The following DLGAP1 variants were observed in gnomAD, a reference collection of about 807,000 sequenced individuals.
DLGAP1 encodes the protein DLG associated protein 1.
DLGAP1 carries 11 observed loss-of-function variants against 90.8 expected under a neutral mutation model. The observed-to-expected ratio is 0.12, with a 90% CI of 0.08 to 0.20. DLGAP1 has a LOEUF of 0.20. Ranked by LOEUF, DLGAP1 falls within the 10% of genes least tolerant of loss-of-function variation. The probability of loss-of-function intolerance (pLI) is 1.00; values close to 1 mark genes in which losing one functional copy is unlikely to be tolerated. For synonymous variants in DLGAP1, 558 were observed against 540.7 expected (o/e 1.03, Z -0.44); for missense variants, 1,050 against 1,333.8 (o/e 0.79, Z 3.31).
At chr18:3,563,109 G>T (rs1028026947) in intron 9 of DLGAP1, among the ~76,000 whole-genome samples, 9 of 152,108 alleles carry the variant, frequency 5.9e-5, no homozygotes, top group African/African-American at 2.2e-4. Context: ...TTACAGATGT[G>T]AGCCACTGAA....
chr18:4,267,056 C>A (rs1213384294), intron 1 of DLGAP1, among the ~76,000 whole-genome samples: 1 of 152,152 alleles, frequency 6.6e-6, no homozygotes, highest in Non-Finnish European at 1.5e-5. Flanking sequence ...TTTGCCTTTT[C>A]TTTTTCTTCT....
chr18:4,029,320 T>G (rs1404357580), intron 2 of DLGAP1, among the ~76,000 whole-genome samples: 1 of 152,194 alleles, frequency 6.6e-6, no homozygotes, highest in African/African-American at 2.4e-5. Flanking sequence ...ATCATGAAAA[T>G]GCAGATATCA....
chr18:4,257,769 T>G (rs184069858), intron 1 of DLGAP1, among the ~76,000 whole-genome samples: 164 of 151,842 alleles, frequency 1.1e-3, no homozygotes, highest in African/African-American at 3.9e-3. Context: ...AGACTATAGA[T>G]GCATGCCACT....
chr18:4,248,019 A>G (rs1046174435), intron 1 of DLGAP1, among the ~76,000 whole-genome samples: 1 of 152,116 alleles, frequency 6.6e-6, no homozygotes, highest in Admixed American at 6.5e-5. Flanking sequence ...TGGGAGTATT[A>G]ATATGGCATT....
chr18:3,804,385 C>T (rs1226243450), intron 5 of DLGAP1, among the ~76,000 whole-genome samples: 2 of 152,218 alleles, frequency 1.3e-5, no homozygotes, highest in Non-Finnish European at 2.9e-5. Flanking sequence ...TCCCTGCCCC[C>T]TCATAGAACT....
At chr18:3,949,257 G>T (rs973527905) in intron 3 of DLGAP1, among the ~76,000 whole-genome samples, 1 of 152,108 alleles carries the variant, frequency 6.6e-6, no homozygotes, top group Non-Finnish European at 1.5e-5. Flanking sequence ...CTTGAGTTAG[G>T]TTCAAAAAAT....
At chr18:4,061,823 G>A (rs34549389) in intron 2 of DLGAP1, among the ~76,000 whole-genome samples, 16,694 of 151,038 alleles carry the variant, frequency 0.11, 1,006 homozygotes, top group Non-Finnish European at 0.14. Flanking sequence ...GTCTTTGACT[G>A]TGGCTTCCCT....
intron 1 of DLGAP1, among the ~76,000 whole-genome samples, chr18:4,429,276 T>G (rs1294267612): frequency 6.6e-6 from 1 of 152,212 alleles, no homozygotes; most frequent in Non-Finnish European, 1.5e-5. Context: ...TATCATTTAA[T>G]ATTAATAAAC....
intron 3 of DLGAP1, among the ~76,000 whole-genome samples, chr18:3,942,671 G>A (rs993412232): frequency 2.6e-5 from 4 of 152,206 alleles, no homozygotes; most frequent in East Asian, 1.9e-4. Flanking sequence ...AGCCAGCCTG[G>A]AGCTGGAGTT....
intron 9 of DLGAP1, among the ~76,000 whole-genome samples, chr18:3,554,322 T>C (rs1045879480): frequency 6.6e-6 from 1 of 152,162 alleles, no homozygotes; most frequent in African/African-American, 2.4e-5. Context: ...AGCAAACACA[T>C]GCTATGTGTG....
At chr18:4,375,550 G>C (rs1449872392) in intron 1 of DLGAP1, among the ~76,000 whole-genome samples, 1 of 152,078 alleles carries the variant, frequency 6.6e-6, no homozygotes, top group Non-Finnish European at 1.5e-5. Flanking sequence ...CCAAAGCTAT[G>C]TTCTTCTTTC....
intron 5 of DLGAP1, among the ~76,000 whole-genome samples, chr18:3,767,846 CCCT>C (rs1419801343): frequency 6.6e-6 from 1 of 152,044 alleles, no homozygotes; most frequent in Non-Finnish European, 1.5e-5. Context: ...AATGTTTTCC[CCCT>C]AAGATCATGA....
Position 4,107,318 on chromosome 18 carries a change from C to T in DLGAP1, c.-159+43862G>A, listed in dbSNP as rs970990865. On this transcript the variant is annotated intron_variant, in intron 2 of 12. Coordinates refer to ENST00000315677, the MANE Select transcript of DLGAP1 (RefSeq NM_004746.4). ...TGGAATCACACAGTGAATTTTCCAC[C>T]GGCGAAATTTACTAGGGAAAGCCGT... 1.5e-4 allele frequency among the ~76,000 whole-genome samples: 23 copies of T among 152,156 alleles called. 1 individual carries two copies. Among genetic ancestry groups the T allele is most frequent in the Admixed American group, 9.8e-4 (15 of 15,272 alleles).
chr18:3,724,191 G>A (rs576759150), intron 7 of DLGAP1, among the ~76,000 whole-genome samples: 12 of 152,016 alleles, frequency 7.9e-5, no homozygotes, highest in African/African-American at 2.7e-4. Flanking sequence ...AAAATTAGCC[G>A]GGCACAGTGG....
At chr18:4,001,451 T>C (rs1483440377) in intron 3 of DLGAP1, among the ~76,000 whole-genome samples, 1 of 152,220 alleles carries the variant, frequency 6.6e-6, no homozygotes, top group Non-Finnish European at 1.5e-5. Context: ...CATTTTTCTT[T>C]ATGGTAGATT....
intron 5 of DLGAP1, among the ~76,000 whole-genome samples, chr18:3,790,538 G>T (rs1427967885): frequency 6.6e-6 from 1 of 152,168 alleles, no homozygotes; most frequent in East Asian, 1.9e-4. Flanking sequence ...CAAGTGCTAG[G>T]ATTACAAGCA....
At position 3,942,530 on chromosome 18, in the gene DLGAP1, C is replaced by T. The variant is rs1038343401; in HGVS notation, c.-72-62390G>A. Among the ~76,000 whole-genome samples, 5 of 152,142 alleles carry T rather than the reference C, an allele frequency of 3.3e-5. No homozygotes were observed. In the East Asian group the frequency reaches 5.8e-4, roughly 18 times the overall value. ...TAAGTTCTAGGAAGGATCAACAAAG[C>T]GATGGCATCTGAATTTGTGCCAACC... On this transcript the variant is annotated intron_variant, in intron 3 of 12. Transcript: ENST00000315677.
chr18:4,227,858 A>C (rs916387097), intron 1 of DLGAP1, among the ~76,000 whole-genome samples: 8 of 151,478 alleles, frequency 5.3e-5, no homozygotes, highest in African/African-American at 7.3e-5. Flanking sequence ...AGGTTAGAGC[A>C]AAAATTAATG....
chr18:3,891,539 A>T (rs2071458542), intron 3 of DLGAP1, among the ~76,000 whole-genome samples: 1 of 152,204 alleles, frequency 6.6e-6, no homozygotes, highest in Admixed American at 6.5e-5. Flanking sequence ...CTTATTTCTC[A>T]TCTAGACTTG....
Sources: gnomAD v4.1 joint callset for allele counts (sites outside exome capture counted in the v4.1 genomes callset) on GRCh38, gnomAD v4.1.1 for gene constraint, MANE v1.5 for transcripts, NCBI Gene and HGNC (gene_info 2026-07-23, HGNC 2026-07-21) for gene names.